The following PCDH15 variants were observed in gnomAD, a reference collection of about 807,000 sequenced individuals.
The protein encoded by PCDH15 is protocadherin related 15, also known as protocadherin-15.
A neutral mutation model predicts 178.5 loss-of-function variants in PCDH15; 129 were observed. That is an observed-to-expected ratio of 0.72 (90% CI 0.63 to 0.84). The LOEUF (loss-of-function observed/expected upper bound fraction) is 0.84, where lower values mean the gene tolerates loss of function less well. Ranked by LOEUF, PCDH15 falls within the 40% of genes least tolerant of loss-of-function variation. PCDH15 has a pLI of 0.00. For missense variants in PCDH15, 2,230 were observed against 2,099.9 expected (o/e 1.06, Z -1.21); for synonymous variants, 800 against 732.0 (o/e 1.09, Z -1.50).
At chr10:55,248,889 C>A (rs552041813) in intron 1 of PCDH15, among the ~76,000 whole-genome samples, 16 of 152,092 alleles carry the variant, frequency 1.1e-4, no homozygotes, top group South Asian at 2.1e-4. Flanking sequence ...AGATTTAATG[C>A]AACCCCATTC....
rs188908792 is a variant in PCDH15, at chr10:53,864,560, A to G, written c.3717+2082T>C. Among the ~76,000 whole-genome samples the G allele has an allele frequency of 1.3e-4, 20 of 152,228 alleles. 1 individual carries two copies. In the East Asian group the frequency reaches 3.9e-3, roughly 30 times the overall value. On this transcript the variant is annotated intron_variant, in intron 27 of 37. Transcript: ENST00000644397. ...AGCTCAGCCTTTAGCCTCAGGCCAA[A>G]TCCTTCATCCAGATAAGGGGTAGCC...
In PCDH15 at chr10:55,248,551, A is replaced by G. The variant is rs191881364; in HGVS notation, c.-156+71048T>C. On this transcript the variant is annotated intron_variant, in intron 1 of 5. Transcript: ENST00000458638. Reference sequence around the variant, plus strand: ...GGATAAGCATCCAATAGATATGAATAAAAATATTTAGTATTGTAAAAATGT... The same window carrying G: ...GGATAAGCATCCAATAGATATGAATGAAAATATTTAGTATTGTAAAAATGT... 5.8e-4 allele frequency among the ~76,000 whole-genome samples: 88 copies of G among 152,270 alleles called. No individual in the cohort carries two copies. In the East Asian group the frequency reaches 0.016, roughly 28 times the overall value.
intron 2 of PCDH15, among the ~76,000 whole-genome samples, chr10:54,899,793 C>A (rs1954611967): frequency 6.6e-6 from 1 of 152,060 alleles, no homozygotes; most frequent in Non-Finnish European, 1.5e-5. Flanking sequence ...CCGTGCCCGA[C>A]CAAAGATTAT....
intron 2 of PCDH15, among the ~76,000 whole-genome samples, chr10:54,939,375 G>C (rs1368354195): frequency 6.6e-6 from 1 of 150,906 alleles, no homozygotes; most frequent in Non-Finnish European, 1.5e-5. Context: ...GGCCCCTGTA[G>C]TCCCAGCTAC....
intron 3 of PCDH15, among the ~76,000 whole-genome samples, chr10:54,838,154 C>T (rs1028357687): frequency 2.0e-5 from 3 of 152,034 alleles, no homozygotes; most frequent in Non-Finnish European, 4.4e-5. Context: ...CCCCTGCCAG[C>T]TAGAGTCTAG....
intron 8 of PCDH15, among the ~76,000 whole-genome samples, chr10:54,307,072 AT>A (rs1402702891): frequency 1.0e-4 from 1 of 9,626 alleles, no homozygotes. Context: ...ATATATATAT[AT>A]ATATATACAT....
intron 1 of PCDH15, among the ~76,000 whole-genome samples, chr10:54,680,348 A>G (rs10763124): frequency 0.87 from 132,305 of 152,188 alleles, 58,159 homozygotes; most frequent in Middle Eastern, 0.93. Context: ...ATCTCATTTT[A>G]AGATGCATTT....
chr10:54,699,454 T>C (rs1026598438), intron 1 of PCDH15, among the ~76,000 whole-genome samples: 3 of 152,078 alleles, frequency 2.0e-5, no homozygotes, highest in East Asian at 1.9e-4. Flanking sequence ...ACAAAATCTC[T>C]GAAGGAAAGG....
chr10:54,175,269 T>A (rs768962902), intron 13 of PCDH15, among the ~76,000 whole-genome samples: 1 of 152,158 alleles, frequency 6.6e-6, no homozygotes, highest in Non-Finnish European at 1.5e-5. Flanking sequence ...CCCAATCTTG[T>A]GTGAAATAAA....
At position 53,822,294 on chromosome 10, in the gene PCDH15, A is replaced by G. The variant is rs368124198; in HGVS notation, c.4368-2064T>C. 2.5e-5 allele frequency: 40 copies of G among 1,612,382 alleles called. No homozygotes were observed. The East Asian group carries it at 6.2e-4, about 25-fold the overall frequency. ...AGGAAGAGGAGTTGGAAATGGAGGT[A>G]GAAGAGGTGGTGTTGGGGGACCAGA... is the stretch of plus-strand genomic sequence containing the variant. On this transcript the variant is annotated intron_variant, in intron 32 of 37. Coordinates refer to ENST00000644397, the MANE Select transcript of PCDH15 (RefSeq NM_001384140.1).
intron 3 of PCDH15, among the ~76,000 whole-genome samples, chr10:54,520,660 T>C (rs2082753976): frequency 6.6e-6 from 1 of 151,666 alleles, no homozygotes; most frequent in African/African-American, 2.4e-5. Context: ...GTGTGGCGAT[T>C]CCTCAGGGAT....
intron 20 of PCDH15, among the ~76,000 whole-genome samples, chr10:54,003,736 CAAAAAAAAAAAAAAA>C (rs55871741): frequency 2.6e-5 from 2 of 76,206 alleles, no homozygotes; most frequent in Non-Finnish European, 4.8e-5. Flanking sequence ...CAAACTATTC[CAAAAAAAAAAAAAAA>C]AAAAAAAAAA....
chr10:54,641,303 C>T (rs961745017), intron 2 of PCDH15, among the ~76,000 whole-genome samples: 6 of 152,092 alleles, frequency 3.9e-5, no homozygotes, highest in African/African-American at 9.7e-5. Flanking sequence ...ACAATCACCA[C>T]TTATTCAGTT....
At chr10:55,373,936 G>A (rs35118940) in intron 2 of PCDH15, among the ~76,000 whole-genome samples, 11 of 151,242 alleles carry the variant, frequency 7.3e-5, no homozygotes, top group African/African-American at 2.4e-4. Flanking sequence ...CACCGAGGCC[G>A]GTGGTGGGGT....
At chr10:55,587,993 A>G (rs554732666) in intron 2 of PCDH15, among the ~76,000 whole-genome samples, 1 of 152,328 alleles carries the variant, frequency 6.6e-6, no homozygotes, top group South Asian at 2.1e-4. Context: ...TGCTGAATCG[A>G]CAGCATATGG....
At chr10:53,830,075 G>A (rs1229240053) in intron 30 of PCDH15, among the ~76,000 whole-genome samples, 1 of 152,082 alleles carries the variant, frequency 6.6e-6, no homozygotes, top group East Asian at 1.9e-4. Flanking sequence ...AGGCTGAGGT[G>A]GGCGGATCAC....
At chr10:55,182,775 AG>A (rs1242128821) in intron 1 of PCDH15, among the ~76,000 whole-genome samples, 1 of 152,040 alleles carries the variant, frequency 6.6e-6, no homozygotes, top group Non-Finnish European at 1.5e-5. Flanking sequence ...TTGGGAGGAA[AG>A]AAATGATGTA....
chr10:55,076,416 T>C (rs1333033709), intron 2 of PCDH15, among the ~76,000 whole-genome samples: 4 of 151,426 alleles, frequency 2.6e-5, no homozygotes. Flanking sequence ...TTTAGAATTA[T>C]ATCCTCTTGC....
intron 3 of PCDH15, among the ~76,000 whole-genome samples, chr10:54,834,078 T>G (rs2133754158): frequency 6.6e-6 from 1 of 152,298 alleles, no homozygotes; most frequent in South Asian, 2.1e-4. Flanking sequence ...TTTCTTCATC[T>G]ATAAAATGGA....
Sources: gnomAD v4.1 joint callset for allele counts (sites outside exome capture counted in the v4.1 genomes callset) on GRCh38, gnomAD v4.1.1 for gene constraint, MANE v1.5 for transcripts, NCBI Gene and HGNC (gene_info 2026-07-23, HGNC 2026-07-21) for gene names.